SEC14L5: variants seen among roughly 807,000 people sequenced by gnomAD.
SEC14L5 encodes the protein SEC14 like lipid binding 5, also known as SEC14-like protein 5.
Under a neutral mutation model 84.6 loss-of-function variants are expected in SEC14L5, and 96 were observed. That is an observed-to-expected ratio of 1.13 (90% CI 0.96 to 1.34). The LOEUF (loss-of-function observed/expected upper bound fraction) is 1.34, where lower values mean the gene tolerates loss of function less well. Among genes scored for constraint, SEC14L5 ranks in the 40% most tolerant of loss-of-function variants. The pLI, the probability that SEC14L5 is intolerant of heterozygous loss-of-function variation, is 0.00. For missense variants in SEC14L5, 1,224 were observed against 942.5 expected (o/e 1.30, Z -3.91); for synonymous variants, 546 against 383.4 (o/e 1.42, Z -4.95).
intron 2 of SEC14L5, among the ~76,000 whole-genome samples, chr16:4,985,392 A>T (rs148281870): frequency 0.021 from 3,152 of 151,880 alleles, 58 homozygotes; most frequent in Non-Finnish European, 0.03. Flanking sequence ...TGCCCAGCTA[A>T]TTTTTTTCTA....
chr16:4,966,361 C>T (rs536984574), intron 2 of SEC14L5, among the ~76,000 whole-genome samples: 5 of 149,164 alleles, frequency 3.4e-5, no homozygotes, highest in East Asian at 4.1e-4. Flanking sequence ...GCAACATTCA[C>T]CTCCCGGGTT....
chr16:5,004,602 T>C (rs1433688616), intron 11 of SEC14L5, among the ~76,000 whole-genome samples: 1 of 151,102 alleles, frequency 6.6e-6, no homozygotes, highest in East Asian at 2.0e-4. Flanking sequence ...AGGGAGCTAC[T>C]GGGGGTCAGC....
intron 2 of SEC14L5, among the ~76,000 whole-genome samples, chr16:4,968,399 G>A (rs1158894315): frequency 2.6e-5 from 4 of 152,118 alleles, no homozygotes; most frequent in African/African-American, 4.8e-5. Context: ...GGCTGGTCTC[G>A]AACTCCCGAC....
At chr16:4,996,120 T>A (rs1165472630) in intron 6 of SEC14L5, among the ~76,000 whole-genome samples, 1 of 152,090 alleles carries the variant, frequency 6.6e-6, no homozygotes, top group Non-Finnish European at 1.5e-5. Flanking sequence ...CATCTCACAG[T>A]GAGATCCAGG....
intron 15 of SEC14L5, among the ~76,000 whole-genome samples, chr16:5,013,706 G>A (rs780376248): frequency 1.3e-4 from 20 of 151,644 alleles, no homozygotes; most frequent in African/African-American, 3.2e-4. Context: ...TTACAGGTGC[G>A]TACCACCACC....
intron 2 of SEC14L5, among the ~76,000 whole-genome samples, chr16:4,976,373 G>A (rs1174599816): frequency 6.6e-6 from 1 of 152,180 alleles, no homozygotes; most frequent in Non-Finnish European, 1.5e-5. Context: ...TCCTGTAAAT[G>A]TCTATTGAGT....
chr16:4,981,083 A>ACCATAAAGAGTGCAG (rs1955417817), intron 2 of SEC14L5, among the ~76,000 whole-genome samples: 2 of 151,882 alleles, frequency 1.3e-5, no homozygotes, highest in Non-Finnish European at 2.9e-5. Context: ...TAAAGAGTGC[A>ACCATAAAGAGTGCAG]GGTTTATTCT....
chr16:4,980,897 C>T (rs888950273), intron 2 of SEC14L5, among the ~76,000 whole-genome samples: 1 of 152,128 alleles, frequency 6.6e-6, no homozygotes, highest in East Asian at 1.9e-4. Flanking sequence ...CCTTCACTGT[C>T]AAGAAATTGA....
chr16:4,995,734 C>A (rs979909148), intron 6 of SEC14L5, among the ~76,000 whole-genome samples: 1 of 150,876 alleles, frequency 6.6e-6, no homozygotes, highest in Non-Finnish European at 1.5e-5. Flanking sequence ...TCAAGCGATT[C>A]TCCTGACTCA....
At chr16:5,011,895 G>C (rs1311933545) in intron 15 of SEC14L5, among the ~76,000 whole-genome samples, 1 of 152,216 alleles carries the variant, frequency 6.6e-6, no homozygotes, top group Non-Finnish European at 1.5e-5. Flanking sequence ...GAGAAGGTCT[G>C]GAGGCGGAGC....
At position 5,016,878 on chromosome 16, in the gene SEC14L5, T is replaced by G. The variant is rs936834442; in HGVS notation, c.*1908T>G. ...TCTCAGGTATCTGAACAAAATAGAT[T>G]GCTTTGCACTCTGCGTCAAGGTGTG... On this transcript the variant is annotated 3_prime_UTR_variant, in exon 16 of 16. Coordinates refer to ENST00000251170, the MANE Select transcript of SEC14L5 (RefSeq NM_014692.2). 3 of 152,232 alleles carry G rather than the reference T, an allele frequency of 2.0e-5. No homozygotes were observed. The highest frequency in any genetic ancestry group is 7.2e-5 in the African/African-American group (3 of 41,466). 9.4% of individuals were successfully genotyped at this position (152,232 alleles called of 1,614,324 possible). A position where few individuals can be genotyped will look rare whatever the true frequency, so the allele number is the denominator to read the frequency against.
chr16:5,014,867 T>C lies in SEC14L5; in HGVS notation c.1988T>C (p.Met663Thr), dbSNP rs754104833. The C allele has an allele frequency of 6.2e-6, 10 of 1,613,560 alleles. No homozygotes were observed. The highest frequency in any genetic ancestry group is 5.3e-5 in the African/African-American group (4 of 74,946). Residue 663 changes from methionine to threonine, a missense_variant, in exon 16 of 16, where the codon ATG becomes ACG. By Grantham distance (81) the Met-to-Thr change is moderately conservative. Transcript: ENST00000251170. ...ACGCCCTTCCTCCCCAGGGGCTCCA[T>C]GTCCAGCCTGGAATCCTGCACCAGC... ...VLASEDFRGS[M>T]SSLESCTSGF...
intron 2 of SEC14L5, among the ~76,000 whole-genome samples, chr16:4,973,925 C>G (rs904344755): frequency 2.0e-5 from 3 of 152,076 alleles, no homozygotes; most frequent in Non-Finnish European, 4.4e-5. Context: ...CTCAGGTGAT[C>G]TGCCCCCTGA....
In SEC14L5 at chr16:5,005,966, G is replaced by C. The variant is rs1383068793; in HGVS notation, c.1355G>C (p.Gly452Ala). ...AGGCGGAAGTTCCTCATCTACAGTG[G>C]CAGCAACTACCAGGGACCCGGAGGC... ...NTRRKFLIYS[G>A]SNYQGPGGLV... The change falls in exon 12 of 16, where the codon GGC (glycine) becomes GCC (alanine). Residue 452 changes from glycine to alanine, a missense_variant. Gly to Ala is a moderately conservative substitution (Grantham distance 60). Transcript: ENST00000251170. 6.2e-7 allele frequency: 1 copy of C among 1,612,826 alleles called. No homozygotes were observed. The highest frequency in any genetic ancestry group is 8.5e-7 in the Non-Finnish European group (1 of 1,179,418).
At chr16:4,986,297 G>A (rs1158198808) in intron 2 of SEC14L5, among the ~76,000 whole-genome samples, 2 of 151,938 alleles carry the variant, frequency 1.3e-5, no homozygotes, top group African/African-American at 4.8e-5. Flanking sequence ...CTGCCACCAC[G>A]CCCGGCTGCT....
At chr16:4,999,201 T>C (rs1392151675) in intron 8 of SEC14L5, among the ~76,000 whole-genome samples, 1 of 152,230 alleles carries the variant, frequency 6.6e-6, no homozygotes, top group African/African-American at 2.4e-5. Flanking sequence ...ACGTGCTCCA[T>C]GCAGAAAACA....
At chr16:5,012,899 A>G (rs1215943201) in intron 15 of SEC14L5, among the ~76,000 whole-genome samples, 6 of 36,872 alleles carry the variant, frequency 1.6e-4, no homozygotes, top group African/African-American at 2.8e-4. Flanking sequence ...TCTCAAAAAG[A>G]AAAAGGAAAA....
chr16:4,980,793 A>T (rs2142494851), intron 2 of SEC14L5, among the ~76,000 whole-genome samples: 1 of 152,312 alleles, frequency 6.6e-6, no homozygotes, highest in East Asian at 1.9e-4. Context: ...AAGAAGGACC[A>T]GCATGGATGA....
At chr16:5,011,015 G>C (rs1955793453) in intron 14 of SEC14L5, 80 bp from the exon 15 acceptor site, 1 of 1,382,672 alleles carries the variant, frequency 7.2e-7, no homozygotes, top group African/African-American at 1.4e-5. Context: ...GCCTGGTGAT[G>C]AGAAGCCCAT....
Sources: allele counts gnomAD v4.1 joint callset (sites outside exome capture counted in the v4.1 genomes callset), GRCh38; gene constraint gnomAD v4.1.1; transcripts MANE v1.5; gene names NCBI Gene and HGNC (gene_info 2026-07-23, HGNC 2026-07-21).